Variants in ZDHHC20 observed in about 807,000 individuals in gnomAD.
ZDHHC20 encodes the protein palmitoyltransferase ZDHHC20.
Under a neutral mutation model 57.8 loss-of-function variants are expected in ZDHHC20, and 43 were observed. The ratio of observed to expected loss-of-function variants is 0.74; its 90% CI spans 0.58 to 0.96. ZDHHC20 has a LOEUF of 0.96. ZDHHC20 is among the 40% of genes least tolerant of loss of function. The probability of loss-of-function intolerance (pLI) is 0.00; values close to 1 mark genes in which losing one functional copy is unlikely to be tolerated. For missense variants in ZDHHC20, 391 were observed against 441.1 expected, an observed-to-expected ratio of 0.89 and a Z score of 1.02; for synonymous variants, 157 against 153.0, an observed-to-expected ratio of 1.03 and a Z score of -0.19.
At chr13:21,408,630 C>T (rs186370273) in intron 4 of ZDHHC20, among the ~76,000 whole-genome samples, 11 of 152,204 alleles carry the variant, frequency 7.2e-5, no homozygotes, top group Admixed American at 5.9e-4. Flanking sequence ...TTGCCTTAGC[C>T]AGAACTTCCA....
chr13:21,432,660 G>T (rs1309519162), intron 1 of ZDHHC20, among the ~76,000 whole-genome samples: 1 of 151,948 alleles, frequency 6.6e-6, no homozygotes, highest in Non-Finnish European at 1.5e-5. Context: ...ATAAAGATAG[G>T]GTTTCACCAT....
chr13:21,438,817 T>G (rs1882821286), intron 1 of ZDHHC20, among the ~76,000 whole-genome samples: 1 of 152,166 alleles, frequency 6.6e-6, no homozygotes, highest in Non-Finnish European at 1.5e-5. Context: ...TCTTGTCGTT[T>G]TGAGAAATTG....
intron 3 of ZDHHC20, among the ~76,000 whole-genome samples, chr13:21,417,429 T>C (rs1409437496): frequency 6.6e-6 from 1 of 152,050 alleles, no homozygotes; most frequent in African/African-American, 2.4e-5. Context: ...ATTTATAGTT[T>C]TTACTTTTTA....
rs575639556 is a variant in ZDHHC20 at position 21,455,113 on chromosome 13, G to A, written c.118+3941C>T. On this transcript the variant is annotated intron_variant, in intron 1 of 12. Transcript: ENST00000400590. ...TTTTTTGTATTTTTAGAGAGATGGG[G>A]TTTCACCGTGTTAGCCAGGATGGTT... Among the ~76,000 whole-genome samples, 9 of 152,246 alleles carry A rather than the reference G, an allele frequency of 5.9e-5. No individual in the cohort carries two copies. The South Asian group carries it at 1.9e-3, about 32-fold the overall frequency.
Position 21,404,413 on chromosome 13 carries a change from A to G in ZDHHC20, c.371-1547T>C, listed in dbSNP as rs1402462003. ...CAATTTGTTGAAATTTTGGTTTTTG[A>G]CAACCCTAATATGGAAAAATACAAG... On this transcript the variant is annotated intron_variant, in intron 4 of 12. Transcript: ENST00000400590. 6.5e-6 allele frequency: 3 copies of G among 458,108 alleles called. No individual in the cohort carries two copies. In the East Asian group the frequency reaches 2.0e-4, roughly 31 times the overall value. 28.4% of individuals were successfully genotyped at this position (458,108 alleles called of 1,614,324 possible).
At chr13:21,382,848 G>T in intron 10 of ZDHHC20, 72 bp downstream of exon 10, 1 of 1,223,556 alleles carries the variant, frequency 8.2e-7, no homozygotes, top group Non-Finnish European at 1.2e-6. Context: ...TTACTCATAA[G>T]ATGTACACAC....
intron 4 of ZDHHC20, 21 bp downstream of exon 4, chr13:21,413,631 A>C (rs764384711): frequency 3.2e-6 from 5 of 1,571,628 alleles, no homozygotes; most frequent in Non-Finnish European, 1.7e-6. Context: ...TTTGAAAAGG[A>C]AAACTTATTC....
At chr13:21,447,385 C>T (rs1484574256) in intron 1 of ZDHHC20, among the ~76,000 whole-genome samples, 1 of 150,386 alleles carries the variant, frequency 6.6e-6, no homozygotes, top group Non-Finnish European at 1.5e-5. Flanking sequence ...CTCACTGCAA[C>T]CTCCCTGCCT....
chr13:21,394,820 C>G lies in ZDHHC20; in HGVS notation c.595-2966G>C, dbSNP rs1227001990. Among the ~76,000 whole-genome samples, 6 of 152,174 alleles carry G rather than the reference C, an allele frequency of 3.9e-5. No individual in the cohort carries two copies. The East Asian group carries it at 1.2e-3, about 29-fold the overall frequency. On this transcript the variant is annotated intron_variant, in intron 7 of 12. Coordinates refer to ENST00000400590, the MANE Select transcript of ZDHHC20 (RefSeq NM_001330059.2). ...AAATCAAAAGCCAAAATTCATGAGG[C>G]TGACACCACACAGGTAGGGGTGTTC...
intron 2 of ZDHHC20, among the ~76,000 whole-genome samples, chr13:21,424,779 G>A (rs916816838): frequency 6.0e-5 from 9 of 151,150 alleles, no homozygotes; most frequent in Admixed American, 4.6e-4. Context: ...TAAGTTAAAA[G>A]TTCTTTTATA....
chr13:21,434,501 A>G (rs1284107796), intron 1 of ZDHHC20, among the ~76,000 whole-genome samples: 1 of 152,230 alleles, frequency 6.6e-6, no homozygotes, highest in African/African-American at 2.4e-5. Context: ...CAAGAAAATA[A>G]ATATTTAATG....
intron 1 of ZDHHC20, among the ~76,000 whole-genome samples, chr13:21,453,411 G>A (rs1884638567): frequency 6.6e-6 from 1 of 152,312 alleles, no homozygotes; most frequent in Non-Finnish European, 1.5e-5. Flanking sequence ...CAAGAAAATA[G>A]AGGACTTGAA....
chr13:21,458,639 T>C (rs1821962639), intron 1 of ZDHHC20, among the ~76,000 whole-genome samples: 1 of 151,628 alleles, frequency 6.6e-6, no homozygotes, highest in African/African-American at 2.4e-5. Flanking sequence ...ACAAAAACAA[T>C]CCAGAAGGAA....
rs1303996192 is a variant in ZDHHC20, at chr13:21,375,151, T to G, written c.*1545A>C. On this transcript the variant is annotated 3_prime_UTR_variant, in exon 13 of 13. Coordinates refer to ENST00000400590, the MANE Select transcript of ZDHHC20 (RefSeq NM_001330059.2). ...TCTGTGGAAAAAAGAAGAAAAAAAT[T>G]TATTGGGTGAATGAAAAGTGATTTT... 1 of 456,210 alleles carries G rather than the reference T, an allele frequency of 2.2e-6. No individual in the cohort carries two copies. Among genetic ancestry groups the G allele is most frequent in the Non-Finnish European group, 4.4e-6 (1 of 226,874 alleles). The allele number at this position is 456,210 out of a possible 1,614,324, so 28.3% of individuals were successfully genotyped here.
At chr13:21,406,516 T>G (rs1325774283) in intron 4 of ZDHHC20, among the ~76,000 whole-genome samples, 1 of 152,178 alleles carries the variant, frequency 6.6e-6, no homozygotes, top group African/African-American at 2.4e-5. Context: ...GTATTTCTCC[T>G]AATGCTATCC....
Position 21,374,264 on chromosome 13 carries a change from G to T in ZDHHC20, c.*2432C>A, listed in dbSNP as rs1158485280. Reference sequence around the variant, plus strand: ...TTTTTGAGATGGAGTTTCACTCGTCGCCCAGGCTGGAGTGCAGTGGCACGA... The same window carrying T: ...TTTTTGAGATGGAGTTTCACTCGTCTCCCAGGCTGGAGTGCAGTGGCACGA... On this transcript the variant is annotated 3_prime_UTR_variant, in exon 13 of 13. Transcript: ENST00000400590. 1 of 278,284 alleles carries T rather than the reference G, an allele frequency of 3.6e-6. No homozygotes were observed. The highest frequency in any genetic ancestry group is 7.6e-6 in the Non-Finnish European group (1 of 131,694). 17.2% of individuals were successfully genotyped at this position (278,284 alleles called of 1,614,324 possible).
At chr13:21,432,983 T>G (rs1044116125) in intron 1 of ZDHHC20, among the ~76,000 whole-genome samples, 9 of 152,250 alleles carry the variant, frequency 5.9e-5, no homozygotes, top group Non-Finnish European at 1.2e-4. Flanking sequence ...CTGGTCTATA[T>G]GTCCATTCTT....
At position 21,376,085 on chromosome 13, in the gene ZDHHC20, T is replaced by C. The variant is rs184049413; in HGVS notation, c.*611A>G. ...AGACCAATGTGTTCTATGTTCTAAA[T>C]GATATTTAGATATCTGAATCCTTCT... On this transcript the variant is annotated 3_prime_UTR_variant, in exon 13 of 13. Transcript: ENST00000400590. 1 of 152,236 alleles carries C rather than the reference T, an allele frequency of 6.6e-6. No individual in the cohort carries two copies. Among genetic ancestry groups the C allele is most frequent in the Non-Finnish European group, 1.5e-5 (1 of 68,050 alleles). 9.4% of individuals were successfully genotyped at this position (152,236 alleles called of 1,614,324 possible). A position where few individuals can be genotyped will look rare whatever the true frequency, so the allele number is the denominator to read the frequency against.
intron 1 of ZDHHC20, among the ~76,000 whole-genome samples, chr13:21,431,429 C>T (rs1006186521): frequency 2.0e-5 from 3 of 152,162 alleles, no homozygotes; most frequent in Admixed American, 2.0e-4. Flanking sequence ...AGGAGTACAA[C>T]TGAAGATGAG....
Sources: allele counts gnomAD v4.1 joint callset (sites outside exome capture counted in the v4.1 genomes callset), GRCh38; gene constraint gnomAD v4.1.1; transcripts MANE v1.5; gene names NCBI Gene and HGNC (gene_info 2026-07-23, HGNC 2026-07-21).